TRPC4AP: variants seen among roughly 807,000 people sequenced by gnomAD.
The protein encoded by TRPC4AP is transient receptor potential cation channel subfamily C member 4 associated protein.
Under a neutral mutation model 99.0 loss-of-function variants are expected in TRPC4AP, and 45 were observed. That is an observed-to-expected ratio of 0.45 (90% confidence interval 0.36 to 0.58). The LOEUF (loss-of-function observed/expected upper bound fraction) is 0.58, where lower values mean the gene tolerates loss of function less well. TRPC4AP is among the 20% of genes least tolerant of loss of function. The probability of loss-of-function intolerance (pLI) is 0.00; values close to 1 mark genes in which losing one functional copy is unlikely to be tolerated. For synonymous variants in TRPC4AP, 408 were observed against 385.8 expected (o/e 1.06, Z -0.67); for missense variants, 879 against 985.3 (o/e 0.89, Z 1.44).
At chr20:35,084,170 C>T (rs1204741331) in intron 1 of TRPC4AP, among the ~76,000 whole-genome samples, 2 of 151,122 alleles carry the variant, frequency 1.3e-5, no homozygotes, top group Non-Finnish European at 1.5e-5. Flanking sequence ...GACTTGGTGG[C>T]GGGCACCTGT....
intron 3 of TRPC4AP, among the ~76,000 whole-genome samples, chr20:35,060,545 C>T (rs2083972808): frequency 7.1e-6 from 1 of 140,330 alleles, no homozygotes; most frequent in Non-Finnish European, 1.5e-5. Flanking sequence ...TGTGATCACA[C>T]CACTGCATTC....
Position 35,005,797 on chromosome 20 carries a change from C to G in TRPC4AP, c.1834G>C (p.Val612Leu), listed in dbSNP as rs148201466. ...GAGCTGTTGATCTGCTTCAGGAATA[C>G]CTGGAACTATACAGAAACCAAGCTC... ...KYINTDAKFQ[V>L]FLKQINSSLV... is the part of the protein sequence containing the mutation. The change falls in exon 16 of 19, where the codon GTA becomes CTA. Residue 612 changes from valine to leucine, a missense_variant. Physicochemically the swap from Val to Leu is conservative, Grantham distance 32. Around this residue, in one of 3 missense-constraint regions of TRPC4AP, gnomAD observed 224 missense variants for 264.7 expected, o/e 0.85. Coordinates refer to ENST00000252015, the MANE Select transcript of TRPC4AP (RefSeq NM_015638.3). 5.0e-6 allele frequency: 8 copies of G among 1,613,996 alleles called. No individual in the cohort carries two copies. The highest frequency in any genetic ancestry group is 1.3e-5 in the African/African-American group (1 of 74,948).
chr20:35,009,945 A>C (rs1480343078), intron 12 of TRPC4AP, among the ~76,000 whole-genome samples: 1 of 152,220 alleles, frequency 6.6e-6, no homozygotes, highest in African/African-American at 2.4e-5. Context: ...GACCTCTCTG[A>C]GGCTCACCTC....
chr20:35,081,275 G>A (rs1369775146), intron 1 of TRPC4AP, among the ~76,000 whole-genome samples: 1 of 152,022 alleles, frequency 6.6e-6, no homozygotes, highest in African/African-American at 2.4e-5. Context: ...CACTTTGGGA[G>A]GCAGAGACAG....
At chr20:35,073,795 G>C (rs2084391833) in intron 2 of TRPC4AP, among the ~76,000 whole-genome samples, 2 of 152,204 alleles carry the variant, frequency 1.3e-5, no homozygotes, top group African/African-American at 2.4e-5. Context: ...AAATGAGTTA[G>C]GGAGGATTCC....
intron 15 of TRPC4AP, 118 bp from the exon 16 acceptor site, chr20:35,005,921 T>C (rs2082506637): frequency 8.5e-6 from 7 of 819,938 alleles, no homozygotes; most frequent in South Asian, 8.1e-5. Context: ...CTGCTTCAGA[T>C]AGGAAGACAG....
At chr20:35,086,521 ATATATGTGTG>A (rs2084873804) in intron 1 of TRPC4AP, among the ~76,000 whole-genome samples, 3 of 61,840 alleles carry the variant, frequency 4.9e-5, no homozygotes, top group African/African-American at 1.4e-4. Flanking sequence ...GTGTGTGTGT[ATATATGTGTG>A]TGTGTGTGTG....
chr20:35,059,673 AG>A (rs869065248), intron 3 of TRPC4AP, among the ~76,000 whole-genome samples: 3 of 57,374 alleles, frequency 5.2e-5, no homozygotes, highest in Non-Finnish European at 1.4e-4. Flanking sequence ...AAGAAAAAAA[AG>A]AAGAAGAAGA....
rs2083792631 is a variant in TRPC4AP at position 35,055,041 on chromosome 20, A to G, written c.473-10T>C. On this transcript the variant is annotated splice_polypyrimidine_tract_variant and intron_variant, in intron 4 of 18. Coordinates refer to ENST00000252015, the MANE Select transcript of TRPC4AP (RefSeq NM_015638.3). Reference sequence around the variant, plus strand: ...GACATTTCATCACTTACTGAAAGTGAAAGGGTAATGACTGGTTATTTTTCT... The same window carrying G: ...GACATTTCATCACTTACTGAAAGTGGAAGGGTAATGACTGGTTATTTTTCT... 1.9e-6 allele frequency: 3 copies of G among 1,612,616 alleles called. No homozygotes were observed. In the Admixed American group the frequency reaches 5.0e-5, roughly 27 times the overall value.
At chr20:35,012,394 T>C (rs2082659188) in intron 11 of TRPC4AP, among the ~76,000 whole-genome samples, 1 of 152,242 alleles carries the variant, frequency 6.6e-6, no homozygotes, top group Non-Finnish European at 1.5e-5. Context: ...CACACGCAGC[T>C]GGCTGGAGCT....
In TRPC4AP at chr20:35,003,536, C is replaced by A; in HGVS notation, c.2130G>T (p.Arg710=). ...TGCTGTGCTCCATCCGCTGCAGCAG[C>A]CGCAGGTACAGGGGCAGCCGCTCTT... ...RRKERLPLYL[R]LLQRMEHSKK... The change falls in exon 18 of 19, where the codon CGG becomes CGT. Residue 710 remains arginine, a synonymous_variant. Coordinates refer to ENST00000252015, the MANE Select transcript of TRPC4AP (RefSeq NM_015638.3). The A allele has an allele frequency of 6.2e-7, 1 of 1,613,964 alleles. No homozygotes were observed. The highest frequency in any genetic ancestry group is 8.5e-7 in the Non-Finnish European group (1 of 1,179,998).
chr20:35,069,435 C>A, intron 2 of TRPC4AP, 23 bp from the exon 3 acceptor site: 1 of 1,476,888 alleles, frequency 6.8e-7, no homozygotes, highest in Non-Finnish European at 9.4e-7. Flanking sequence ...AAAAAAAGTA[C>A]ATACATTGTT....
chr20:35,013,537 C>T (rs2147278740), intron 10 of TRPC4AP, among the ~76,000 whole-genome samples: 1 of 152,304 alleles, frequency 6.6e-6, no homozygotes, highest in East Asian at 1.9e-4. Flanking sequence ...GAGATCGCAC[C>T]ACTGACTGCA....
chr20:35,006,353 T>C lies in TRPC4AP; in HGVS notation c.1827+82A>G, dbSNP rs1468700190. The C allele has an allele frequency of 1.5e-5, 23 of 1,540,346 alleles. No individual in the cohort carries two copies. In the Admixed American group the frequency reaches 3.8e-4, roughly 25 times the overall value. On this transcript the variant is annotated intron_variant, in intron 15 of 18. Transcript: ENST00000252015. ...CCCGTCGTCTCTAACGTAAAACCTG[T>C]GCCTAAAGCCTGGCAGACCAGGACT...
At chr20:35,009,110 C>T (rs1209555767) in intron 12 of TRPC4AP, among the ~76,000 whole-genome samples, 1 of 152,230 alleles carries the variant, frequency 6.6e-6, no homozygotes, top group Non-Finnish European at 1.5e-5. Context: ...CCAGCGTACT[C>T]CGTGCCTGAG....
chr20:35,036,401 T>C (rs1397285655), intron 7 of TRPC4AP, among the ~76,000 whole-genome samples: 1 of 152,204 alleles, frequency 6.6e-6, no homozygotes, highest in Non-Finnish European at 1.5e-5. Context: ...TTTCAATAAA[T>C]ACCTTTTTGA....
At chr20:35,041,024 T>C (rs1008236450) in intron 7 of TRPC4AP, among the ~76,000 whole-genome samples, 4 of 152,180 alleles carry the variant, frequency 2.6e-5, no homozygotes, top group Admixed American at 6.5e-5. Flanking sequence ...AAAATTCATA[T>C]GTGGATACAA....
intron 7 of TRPC4AP, 84 bp downstream of exon 7, chr20:35,044,420 AG>A: frequency 7.4e-7 from 1 of 1,346,314 alleles, no homozygotes. Context: ...AAAAAAGAAA[AG>A]AAAAGAAAAA....
chr20:35,042,731 T>A (rs2083468909), intron 7 of TRPC4AP, among the ~76,000 whole-genome samples: 1 of 152,230 alleles, frequency 6.6e-6, no homozygotes, highest in Admixed American at 6.5e-5. Flanking sequence ...TATGCCAGTT[T>A]CTCCAAAATC....
Sources: gnomAD v4.1 joint callset for allele counts (sites outside exome capture counted in the v4.1 genomes callset) on GRCh38, gnomAD v4.1.1 for gene constraint, gnomAD v4.1.1 regional missense constraint, MANE v1.5 for transcripts, NCBI Gene and HGNC (gene_info 2026-07-23, HGNC 2026-07-21) for gene names.